Variants in GPHN observed in about 807,000 individuals in gnomAD.
GPHN encodes gephyrin.
A neutral mutation model predicts 95.5 loss-of-function variants in GPHN; 17 were observed. The observed-to-expected ratio is 0.18, with a 90% CI of 0.12 to 0.27. The LOEUF (loss-of-function observed/expected upper bound fraction) is 0.27. Among genes scored for constraint, GPHN ranks in the 10% least tolerant of loss-of-function variants. The pLI is 1.00. For missense variants in GPHN, 660 were observed against 978.1 expected, an observed-to-expected ratio of 0.67 and a Z score of 4.34; for synonymous variants, 320 against 322.5, an observed-to-expected ratio of 0.99 and a Z score of 0.08.
At chr14:67,585,831 C>G in the GPHN span, 1 of 1,175,460 alleles carries the variant, frequency 8.5e-7, no homozygotes, top group Non-Finnish European at 1.2e-6. Context: ...ATGGAGATCT[C>G]CAAATTATGA....
rs531096895 is a variant in GPHN, at chr14:67,098,583, G to A, written c.1238-2273G>A. 2.6e-5 allele frequency among the ~76,000 whole-genome samples: 4 copies of A among 152,208 alleles called. No homozygotes were observed. The East Asian group carries it at 7.7e-4, about 29-fold the overall frequency. ...CCAGCATTTTGGGAGGCCGAGGCAG[G>A]CGGATCACCTGAGGTCAGGAGTTTG... On this transcript the variant is annotated intron_variant, in intron 12 of 22. Coordinates refer to ENST00000478722, the MANE Select transcript of GPHN (RefSeq NM_020806.5).
the GPHN span, among the ~76,000 whole-genome samples, chr14:67,513,607 C>T: frequency 2.0e-5 from 3 of 152,278 alleles, no homozygotes; most frequent in African/African-American, 7.2e-5. Context: ...CTCAGCACAC[C>T]CCTGAGCAAA....
At chr14:67,468,382 T>C in the GPHN span, among the ~76,000 whole-genome samples, 1 of 152,226 alleles carries the variant, frequency 6.6e-6, no homozygotes, top group African/African-American at 2.4e-5. Flanking sequence ...GTCTAAACAT[T>C]GCAGCCTTCT....
the GPHN span, among the ~76,000 whole-genome samples, chr14:67,646,031 C>A: frequency 2.6e-5 from 4 of 152,212 alleles, no homozygotes; most frequent in Admixed American, 2.0e-4. Context: ...ACAATAGCGA[C>A]TGATATACCC....
At chr14:67,356,434 C>CAAAAAAAAAAAAAAA in the GPHN span, among the ~76,000 whole-genome samples, 1 of 129,744 alleles carries the variant, frequency 7.7e-6, no homozygotes, top group Non-Finnish European at 1.8e-5. Context: ...AAAACAAAAA[C>CAAAAAAAAAAAAAAA]AAAAAAAAAA....
chr14:66,698,525 T>A (rs2068273661), intron 2 of GPHN, among the ~76,000 whole-genome samples: 1 of 152,230 alleles, frequency 6.6e-6, no homozygotes, highest in Non-Finnish European at 1.5e-5. Context: ...AATCCAGTGC[T>A]TATGTTTACT....
chr14:67,484,919 T>C, the GPHN span, among the ~76,000 whole-genome samples: 8 of 152,354 alleles, frequency 5.3e-5, no homozygotes, highest in East Asian at 1.5e-3. Context: ...TTCCAAGTTG[T>C]TATATAGCCT....
the GPHN span, among the ~76,000 whole-genome samples, chr14:67,431,350 C>T: frequency 6.9e-6 from 1 of 145,612 alleles, no homozygotes; most frequent in Non-Finnish European, 1.5e-5. Flanking sequence ...CGAGATCGCG[C>T]CACTGCACTC....
intron 1 of GPHN, among the ~76,000 whole-genome samples, chr14:66,510,173 C>A (rs899483844): frequency 6.6e-6 from 1 of 152,108 alleles, no homozygotes; most frequent in Non-Finnish European, 1.5e-5. Flanking sequence ...CTGACATTGC[C>A]AATTTTCGAA....
chr14:66,920,177 T>C (rs1025271103), intron 6 of GPHN, among the ~76,000 whole-genome samples: 6 of 152,080 alleles, frequency 3.9e-5, no homozygotes, highest in Non-Finnish European at 8.8e-5. Flanking sequence ...ACTCAGGAGG[T>C]TGGGAACAAG....
rs1594761373 is a variant in GPHN at position 66,508,412 on chromosome 14, G to A, written c.-116G>A. 1.1e-6 allele frequency: 1 copy of A among 918,466 alleles called. No homozygotes were observed. Among genetic ancestry groups the A allele is most frequent in the Non-Finnish European group, 1.8e-6 (1 of 549,366 alleles). The allele number at this position is 918,466 out of a possible 1,614,324, so 56.9% of individuals were successfully genotyped here. ...CTCCCCCTCCTTCCCCGCTCTCCTC[G>A]CGCTTCTCTGGCTCCCTAGCTGTCG... On this transcript the variant is annotated 5_prime_UTR_variant, in exon 1 of 23. Transcript: ENST00000478722.
the GPHN span, among the ~76,000 whole-genome samples, chr14:67,198,795 A>T: frequency 6.6e-6 from 1 of 152,228 alleles, no homozygotes; most frequent in African/African-American, 2.4e-5. Context: ...CTGCATTTCT[A>T]TGCATTTGGG....
At chr14:67,295,585 A>G in the GPHN span, among the ~76,000 whole-genome samples, 1 of 152,286 alleles carries the variant, frequency 6.6e-6, no homozygotes, top group African/African-American at 2.4e-5. Flanking sequence ...AGGAAATCCA[A>G]ATGGCCAATA....
At chr14:67,449,229 C>A in the GPHN span, among the ~76,000 whole-genome samples, 4 of 152,202 alleles carry the variant, frequency 2.6e-5, 1 homozygote, top group Admixed American at 2.6e-4. Context: ...ATTGGTCATT[C>A]AGTCTGGCCA....
chr14:67,341,010 A>G, the GPHN span, among the ~76,000 whole-genome samples: 5 of 152,044 alleles, frequency 3.3e-5, no homozygotes, highest in Admixed American at 2.0e-4. Context: ...CAGTGGCGTG[A>G]TCTCGGCTCG....
At chr14:67,183,545 A>G (rs1249637610), downstream of GPHN, among the ~76,000 whole-genome samples, 1 of 152,044 alleles carries the variant, frequency 6.6e-6, no homozygotes, top group Non-Finnish European at 1.5e-5. Flanking sequence ...TACAGTCTAT[A>G]TTCTTTTATT....
intron 12 of GPHN, among the ~76,000 whole-genome samples, chr14:67,100,510 A>G (rs1202505043): frequency 1.3e-5 from 2 of 152,200 alleles, no homozygotes; most frequent in Non-Finnish European, 2.9e-5. Context: ...ATACACATGG[A>G]TAAGGTGGCA....
chr14:67,448,670 T>C, the GPHN span, among the ~76,000 whole-genome samples: 3 of 152,110 alleles, frequency 2.0e-5, no homozygotes, highest in South Asian at 4.2e-4. Flanking sequence ...AAAGGGAGAC[T>C]ACAGACAATA....
the GPHN span, among the ~76,000 whole-genome samples, chr14:67,193,015 G>T: frequency 1.4e-5 from 2 of 142,384 alleles, no homozygotes; most frequent in Non-Finnish European, 3.0e-5. Context: ...TCAATATCTA[G>T]ATATAGATAT....
Sources: gnomAD v4.1 joint callset for allele counts (sites outside exome capture counted in the v4.1 genomes callset) on GRCh38, gnomAD v4.1.1 for gene constraint, MANE v1.5 for transcripts, NCBI Gene and HGNC (gene_info 2026-07-23, HGNC 2026-07-21) for gene names.